Variants in CNTNAP5 observed in about 807,000 individuals in gnomAD.
CNTNAP5 encodes contactin-associated protein-like 5.
In CNTNAP5, 72 loss-of-function variants were observed where a neutral mutation model predicts 150.2. The observed-to-expected ratio is 0.48, with a 90% CI of 0.40 to 0.58. The LOEUF is 0.58. Ranked by LOEUF, CNTNAP5 falls within the 20% of genes least tolerant of loss-of-function variation. The probability of loss-of-function intolerance (pLI) is 0.00; values close to 1 mark genes in which losing one functional copy is unlikely to be tolerated. For missense variants in CNTNAP5, 1,636 were observed against 1,626.2 expected (o/e 1.01, Z -0.10); for synonymous variants, 672 against 619.8 (o/e 1.08, Z -1.25).
At chr2:124,561,339 G>A (rs900877925) in intron 10 of CNTNAP5, among the ~76,000 whole-genome samples, 2 of 152,172 alleles carry the variant, frequency 1.3e-5, no homozygotes, top group Non-Finnish European at 1.5e-5. Flanking sequence ...CCTGGAGAAA[G>A]AAATCCTTAC....
intron 19 of CNTNAP5, among the ~76,000 whole-genome samples, chr2:124,828,256 C>T (rs149401368): frequency 0.051 from 7,687 of 152,138 alleles, 624 homozygotes; most frequent in African/African-American, 0.17. Flanking sequence ...CCGAGACGGG[C>T]GGATCACGAG....
chr2:124,471,678 C>T (rs1251140434), intron 6 of CNTNAP5, among the ~76,000 whole-genome samples: 1 of 152,068 alleles, frequency 6.6e-6, no homozygotes, highest in African/African-American at 2.4e-5. Flanking sequence ...TTTGCCCATT[C>T]AGTATGCTAT....
chr2:124,139,627 G>A (rs149757169), intron 1 of CNTNAP5, among the ~76,000 whole-genome samples: 4 of 152,166 alleles, frequency 2.6e-5, no homozygotes, highest in East Asian at 3.9e-4. Flanking sequence ...AGAGACCGGC[G>A]AAGGAGACTC....
At chr2:124,288,092 G>C (rs913919186) in intron 3 of CNTNAP5, among the ~76,000 whole-genome samples, 13 of 152,006 alleles carry the variant, frequency 8.6e-5, no homozygotes, top group Admixed American at 8.5e-4. Context: ...ACCATGCCTG[G>C]CTAATTTATT....
chr2:124,872,053 G>A (rs1281681039), intron 21 of CNTNAP5, among the ~76,000 whole-genome samples: 1 of 151,594 alleles, frequency 6.6e-6, no homozygotes, highest in Non-Finnish European at 1.5e-5. Flanking sequence ...TTGCATTCTG[G>A]GCAATTCATT....
At chr2:124,066,669 G>A (rs1682167854) in intron 1 of CNTNAP5, among the ~76,000 whole-genome samples, 1 of 151,066 alleles carries the variant, frequency 6.6e-6, no homozygotes, top group African/African-American at 2.4e-5. Context: ...AAAAAAAATA[G>A]TTTATCTTAT....
chr2:124,288,101 T>G (rs1688199500), intron 3 of CNTNAP5, among the ~76,000 whole-genome samples: 1 of 152,114 alleles, frequency 6.6e-6, no homozygotes, highest in Non-Finnish European at 1.5e-5. Flanking sequence ...GGCTAATTTA[T>G]TCTTTTTTCA....
intron 1 of CNTNAP5, among the ~76,000 whole-genome samples, chr2:124,166,584 C>T (rs1684814174): frequency 6.6e-6 from 1 of 152,150 alleles, no homozygotes; most frequent in Non-Finnish European, 1.5e-5. Context: ...TTGACTTCCA[C>T]TTTTACTTAT....
At chr2:124,367,276 G>A (rs112231063) in intron 3 of CNTNAP5, among the ~76,000 whole-genome samples, 15 of 152,218 alleles carry the variant, frequency 9.9e-5, no homozygotes, top group African/African-American at 3.6e-4. Context: ...CTTGAGTCTG[G>A]GTAATTAATA....
intron 14 of CNTNAP5, among the ~76,000 whole-genome samples, chr2:124,750,198 G>A (rs1680695059): frequency 6.6e-6 from 1 of 152,148 alleles, no homozygotes; most frequent in Admixed American, 6.5e-5. Context: ...CAGGGCACCA[G>A]AATTTATTAT....
Position 124,390,260 on chromosome 2 carries a change from C to A in CNTNAP5, c.382-27183C>A, listed in dbSNP as rs529049317. 2.0e-5 allele frequency among the ~76,000 whole-genome samples: 3 copies of A among 152,298 alleles called. No individual in the cohort carries two copies. In the South Asian group the frequency reaches 6.2e-4, roughly 32 times the overall value. On this transcript the variant is annotated intron_variant, in intron 3 of 23. Transcript: ENST00000682447. Reference sequence around the variant, plus strand: ...AAATTTTTCTTTGTGATTTTGATTTCTCATCTGCATCTTCCGATTAACTTC... The same window carrying A: ...AAATTTTTCTTTGTGATTTTGATTTATCATCTGCATCTTCCGATTAACTTC...
At chr2:124,268,966 C>T (rs1398675120) in intron 3 of CNTNAP5, among the ~76,000 whole-genome samples, 2 of 152,146 alleles carry the variant, frequency 1.3e-5, no homozygotes, top group African/African-American at 4.8e-5. Flanking sequence ...CTGCCAGGAC[C>T]CCTAAGTGCT....
intron 18 of CNTNAP5, among the ~76,000 whole-genome samples, chr2:124,791,241 C>T (rs1457815023): frequency 6.6e-5 from 10 of 152,168 alleles, no homozygotes; most frequent in African/African-American, 2.2e-4. Context: ...TTGAGCCCTC[C>T]GTTCATTCAT....
intron 3 of CNTNAP5, among the ~76,000 whole-genome samples, chr2:124,397,888 G>A (rs1394629253): frequency 2.0e-5 from 3 of 152,104 alleles, no homozygotes; most frequent in Non-Finnish European, 2.9e-5. Flanking sequence ...ATGAAAAATC[G>A]CAACTTTGTA....
At chr2:124,151,206 C>A (rs562425272) in intron 1 of CNTNAP5, among the ~76,000 whole-genome samples, 13 of 152,274 alleles carry the variant, frequency 8.5e-5, no homozygotes, top group African/African-American at 2.6e-4. Context: ...TGGGCCGGAG[C>A]TCCCAGTGGG....
intron 12 of CNTNAP5, among the ~76,000 whole-genome samples, chr2:124,630,625 T>A (rs992467522): frequency 1.3e-5 from 2 of 152,174 alleles, no homozygotes; most frequent in African/African-American, 2.4e-5. Flanking sequence ...TCATACTGAA[T>A]GGACAAAAAC....
chr2:124,890,644 C>T (rs1458494410), intron 21 of CNTNAP5, among the ~76,000 whole-genome samples: 2 of 152,090 alleles, frequency 1.3e-5, no homozygotes, highest in African/African-American at 4.8e-5. Context: ...TTGCTTGATG[C>T]CAACAATATG....
At chr2:124,466,969 G>A (rs35209361) in intron 6 of CNTNAP5, among the ~76,000 whole-genome samples, 37,122 of 152,050 alleles carry the variant, frequency 0.24, 4,939 homozygotes, top group Middle Eastern at 0.39. Flanking sequence ...GGTTTGAAAT[G>A]CGGACAAAGG....
At chr2:124,457,740 A>G (rs1693154435) in intron 6 of CNTNAP5, among the ~76,000 whole-genome samples, 2 of 152,080 alleles carry the variant, frequency 1.3e-5, no homozygotes, top group Non-Finnish European at 2.9e-5. Flanking sequence ...TCTAGGGTAC[A>G]TGTGCACAAT....
Sources: gnomAD v4.1 joint callset for allele counts (sites outside exome capture counted in the v4.1 genomes callset) on GRCh38, gnomAD v4.1.1 for gene constraint, MANE v1.5 for transcripts, NCBI Gene and HGNC (gene_info 2026-07-23, HGNC 2026-07-21) for gene names.